Variants in BRINP3 observed in about 807,000 individuals in gnomAD.
BRINP3 encodes BMP/retinoic acid-inducible neural-specific protein 3.
BRINP3 carries 19 observed loss-of-function variants against 71.0 expected under a neutral mutation model. The ratio of observed to expected loss-of-function variants is 0.27; its 90% confidence interval spans 0.19 to 0.39. The LOEUF (loss-of-function observed/expected upper bound fraction) is 0.39. Among genes scored for constraint, BRINP3 ranks in the 10% least tolerant of loss-of-function variants. The pLI, the probability that BRINP3 is intolerant of heterozygous loss-of-function variation, is 1.00. For missense variants in BRINP3, 959 were observed against 940.8 expected, an observed-to-expected ratio of 1.02 and a Z score of -0.25; for synonymous variants, 380 against 337.7, an observed-to-expected ratio of 1.13 and a Z score of -1.37.
At chr1:190,137,616 G>A (rs751012004) in intron 7 of BRINP3, among the ~76,000 whole-genome samples, 1 of 151,972 alleles carries the variant, frequency 6.6e-6, no homozygotes, top group East Asian at 1.9e-4. Context: ...AGCAAAACCC[G>A]TACAGTTTTT....
intron 3 of BRINP3, among the ~76,000 whole-genome samples, chr1:190,276,966 A>C (rs1662607653): frequency 6.7e-6 from 1 of 149,286 alleles, no homozygotes; most frequent in African/African-American, 2.4e-5. Context: ...TGTACATTCA[A>C]TAACAGTGGT....
At chr1:190,362,081 G>A (rs1302112250) in intron 2 of BRINP3, 1 of 152,156 alleles carries the variant, frequency 6.6e-6, no homozygotes, top group Admixed American at 6.6e-5. Flanking sequence ...GGCATACAGT[G>A]AGATGGCAGC....
rs774299247 is a variant in BRINP3 at position 190,281,674 on chromosome 1, G to A, written c.313C>T (p.Pro105Ser). Residue 105 changes from proline to serine, a missense_variant, in exon 3 of 8, where the codon CCT becomes TCT. By Grantham distance (74) the Pro-to-Ser change is moderately conservative. Coordinates refer to ENST00000367462, the MANE Select transcript of BRINP3 (RefSeq NM_199051.3). ...NFLGSPLPLA[P>S]EFFRNIRLLG... is the part of the protein sequence containing the mutation. ...AGTCTTATGTTGCGGAAGAATTCAG[G>A]GGCAAGAGGCAGAGGAGAGCCAAGG... 6.2e-7 allele frequency: 1 copy of A among 1,612,792 alleles called. No individual in the cohort carries two copies. Among genetic ancestry groups the A allele is most frequent in the South Asian group, 1.1e-5 (1 of 91,046 alleles).
Position 190,370,418 on chromosome 1 carries a change from G to T in BRINP3, c.236+84237C>A, listed in dbSNP as rs74130714. On this transcript the variant is annotated intron_variant, in intron 2 of 7. Coordinates refer to ENST00000367462, the MANE Select transcript of BRINP3 (RefSeq NM_199051.3). The stretch of plus-strand genomic sequence containing the variant: ...AATTAATTCATCAAAACTGTGTCCT[G>T]GAGATGATATAATTCTCAACAAACC... Among the ~76,000 whole-genome samples, 643 of 152,144 alleles carry T rather than the reference G, an allele frequency of 4.2e-3. 6 individuals are homozygous for T. The highest frequency in any genetic ancestry group is 0.014 in the African/African-American group (598 of 41,500).
At chr1:190,150,312 G>C (rs747413320) in intron 7 of BRINP3, among the ~76,000 whole-genome samples, 4 of 151,798 alleles carry the variant, frequency 2.6e-5, no homozygotes, top group Non-Finnish European at 5.9e-5. Context: ...ACATATACAT[G>C]TTAGAAAATA....
In BRINP3 at chr1:190,226,323, A is replaced by G; in HGVS notation, c.725-5T>C. On this transcript the variant is annotated splice_polypyrimidine_tract_variant and splice_region_variant and intron_variant, in intron 5 of 7. Coordinates refer to ENST00000367462, the MANE Select transcript of BRINP3 (RefSeq NM_199051.3). ...CTGGGAGAAGTACTTGAAGCCCTTG[A>G]AGAACAAACAAAGAAATTAACAAAT... 6.6e-7 allele frequency: 1 copy of G among 1,507,400 alleles called. No homozygotes were observed. The highest frequency in any genetic ancestry group is 2.4e-5 in the East Asian group (1 of 41,934). 93.4% of individuals were successfully genotyped at this position (1,507,400 alleles called of 1,614,324 possible).
chr1:190,113,576 A>C (rs1449916345), intron 7 of BRINP3, among the ~76,000 whole-genome samples: 4 of 152,194 alleles, frequency 2.6e-5, no homozygotes, highest in Non-Finnish European at 5.9e-5. Context: ...ACATTTACCC[A>C]TTTCTAAACA....
chr1:190,385,281 G>C (rs985848424), intron 2 of BRINP3, among the ~76,000 whole-genome samples: 1 of 152,082 alleles, frequency 6.6e-6, no homozygotes, highest in Non-Finnish European at 1.5e-5. Context: ...ACTACCATCA[G>C]AGTGAACAGA....
At chr1:190,227,246 G>A (rs1206354691) in intron 5 of BRINP3, among the ~76,000 whole-genome samples, 6 of 151,644 alleles carry the variant, frequency 4.0e-5, no homozygotes, top group African/African-American at 1.5e-4. Flanking sequence ...AAAAATCAAT[G>A]TTGACCCTTG....
intron 7 of BRINP3, among the ~76,000 whole-genome samples, chr1:190,142,003 G>GA (rs1558003211): frequency 1.3e-5 from 2 of 152,026 alleles, no homozygotes; most frequent in African/African-American, 2.4e-5. Flanking sequence ...AACATGAAAA[G>GA]AAAAAACATA....
intron 7 of BRINP3, among the ~76,000 whole-genome samples, chr1:190,131,197 G>C (rs1654514128): frequency 7.9e-6 from 1 of 126,834 alleles, no homozygotes; most frequent in Non-Finnish European, 1.7e-5. Flanking sequence ...TGGGGGGTGG[G>C]GGGACAGGGA....
chr1:190,344,216 T>C (rs1227761861), intron 2 of BRINP3, among the ~76,000 whole-genome samples: 4 of 151,850 alleles, frequency 2.6e-5, no homozygotes, highest in Non-Finnish European at 5.9e-5. Context: ...GAGACCTTTA[T>C]ATGCTAGGAA....
At chr1:190,384,147 T>G (rs897434701) in intron 2 of BRINP3, among the ~76,000 whole-genome samples, 2 of 145,064 alleles carry the variant, frequency 1.4e-5, no homozygotes, top group South Asian at 4.3e-4. Flanking sequence ...GCCACAAATG[T>G]TTTTTTTTTC....
intron 2 of BRINP3, among the ~76,000 whole-genome samples, chr1:190,356,159 A>G (rs2102078275): frequency 6.6e-6 from 1 of 152,094 alleles, no homozygotes; most frequent in East Asian, 1.9e-4. Context: ...TTAATTGAAA[A>G]TCATATGTGC....
At chr1:190,114,939 C>G (rs1653002925) in intron 7 of BRINP3, among the ~76,000 whole-genome samples, 1 of 152,122 alleles carries the variant, frequency 6.6e-6, no homozygotes. Context: ...ATAATATTTT[C>G]TTAGTGAGGA....
intron 7 of BRINP3, among the ~76,000 whole-genome samples, chr1:190,146,046 C>G (rs532182584): frequency 6.6e-6 from 1 of 152,066 alleles, no homozygotes; most frequent in South Asian, 2.1e-4. Flanking sequence ...ACTTTGGGGA[C>G]TTGGAGGGAA....
At chr1:190,142,233 A>T (rs1404170225) in intron 7 of BRINP3, among the ~76,000 whole-genome samples, 1 of 152,222 alleles carries the variant, frequency 6.6e-6, no homozygotes, top group East Asian at 1.9e-4. Context: ...ATTTTCAACT[A>T]ATAATGGGAA....
At position 190,453,532 on chromosome 1, in the gene BRINP3, T is replaced by C. The variant is rs75799631; in HGVS notation, c.236+1123A>G. On this transcript the variant is annotated intron_variant, in intron 2 of 7. Transcript: ENST00000367462. Reference sequence around the variant, plus strand: ...ACGCCCAGCCTCGTCATTTCATTTATTTAAAAAATAGAGTAAATCTTTTCA... The same window carrying C: ...ACGCCCAGCCTCGTCATTTCATTTACTTAAAAAATAGAGTAAATCTTTTCA... Among the ~76,000 whole-genome samples, 229 of 152,188 alleles carry C rather than the reference T, an allele frequency of 1.5e-3. 1 individual carries two copies. Among genetic ancestry groups the C allele is most frequent in the African/African-American group, 5.2e-3 (216 of 41,538 alleles).
At chr1:190,426,140 T>C (rs1007656495) in intron 2 of BRINP3, among the ~76,000 whole-genome samples, 1 of 151,772 alleles carries the variant, frequency 6.6e-6, no homozygotes, top group South Asian at 2.1e-4. Flanking sequence ...AAACGTGTAA[T>C]GAAAAAATAT....
Sources: gnomAD v4.1 joint callset for allele counts (sites outside exome capture counted in the v4.1 genomes callset) on GRCh38, gnomAD v4.1.1 for gene constraint, MANE v1.5 for transcripts, NCBI Gene and HGNC (gene_info 2026-07-23, HGNC 2026-07-21) for gene names.